Variants in FHIT observed in about 807,000 individuals in gnomAD.
FHIT encodes bis(5'-adenosyl)-triphosphatase.
In FHIT, 19 loss-of-function variants were observed where a neutral mutation model predicts 17.9. That is an observed-to-expected ratio of 1.06 (90% CI 0.74 to 1.56). The LOEUF is 1.56. FHIT is among the 40% of genes most tolerant of loss of function. The pLI, the probability that FHIT is intolerant of heterozygous loss-of-function variation, is 0.00. For missense variants in FHIT, 248 were observed against 189.2 expected (o/e 1.31, Z -1.82); for synonymous variants, 81 against 69.7 (o/e 1.16, Z -0.81).
At position 60,115,454 on chromosome 3, in the gene FHIT, C is replaced by T. The variant is rs181109909; in HGVS notation, c.104-101302G>A. ...TTAACTACGATTTTAAATAATAAAA[C>T]GGTAATTTTGTTGGAAAAATAGGCA... On this transcript the variant is annotated intron_variant, in intron 5 of 9. Transcript: ENST00000492590. Among the ~76,000 whole-genome samples the T allele has an allele frequency of 3.1e-4, 47 of 152,136 alleles. 1 individual carries two copies. Among genetic ancestry groups the T allele is most frequent in the Middle Eastern group, 3.4e-3 (1 of 294 alleles).
At chr3:59,771,708 T>C (rs1187266944) in intron 8 of FHIT, among the ~76,000 whole-genome samples, 1 of 152,220 alleles carries the variant, frequency 6.6e-6, no homozygotes, top group African/African-American at 2.4e-5. Flanking sequence ...GTAGTGTCTC[T>C]ATGTCTGTGG....
At chr3:59,932,051 T>C (rs1047178998) in intron 7 of FHIT, among the ~76,000 whole-genome samples, 1 of 152,232 alleles carries the variant, frequency 6.6e-6, no homozygotes, top group Non-Finnish European at 1.5e-5. Context: ...ATATGCCTTT[T>C]CCTTTTGGCT....
intron 8 of FHIT, among the ~76,000 whole-genome samples, chr3:59,912,704 G>A (rs1266934225): frequency 6.6e-6 from 1 of 152,146 alleles, no homozygotes; most frequent in African/African-American, 2.4e-5. Flanking sequence ...AATATATGTT[G>A]GAGCAAGGTT....
At chr3:60,641,281 G>C (rs1027372551) in intron 4 of FHIT, among the ~76,000 whole-genome samples, 20 of 152,168 alleles carry the variant, frequency 1.3e-4, no homozygotes, top group East Asian at 5.8e-4. Flanking sequence ...CTATTCTCTT[G>C]AGTTTTGCAT....
At chr3:60,214,184 G>A (rs1016245698) in intron 5 of FHIT, among the ~76,000 whole-genome samples, 1 of 151,940 alleles carries the variant, frequency 6.6e-6, no homozygotes, top group Non-Finnish European at 1.5e-5. Flanking sequence ...TTTTGAAAAA[G>A]CAATTGTACT....
chr3:60,847,837 G>T (rs1447915), intron 3 of FHIT, among the ~76,000 whole-genome samples: 1 of 151,816 alleles, frequency 6.6e-6, no homozygotes, highest in Non-Finnish European at 1.5e-5. Flanking sequence ...TTTGGTCCCC[G>T]TATGAACTCC....
intron 5 of FHIT, among the ~76,000 whole-genome samples, chr3:60,201,427 C>T (rs2107494071): frequency 6.6e-6 from 1 of 152,128 alleles, no homozygotes; most frequent in East Asian, 1.9e-4. Flanking sequence ...GTGATCCTCC[C>T]ACTTCAGCCT....
At chr3:60,109,709 G>A (rs529808907) in intron 5 of FHIT, among the ~76,000 whole-genome samples, 57 of 152,238 alleles carry the variant, frequency 3.7e-4, no homozygotes, top group African/African-American at 1.3e-3. Flanking sequence ...AAGAAAAGGT[G>A]AAAATGGAAC....
chr3:60,453,793 A>G (rs2031906555), intron 5 of FHIT, among the ~76,000 whole-genome samples: 2 of 152,170 alleles, frequency 1.3e-5, no homozygotes, highest in Admixed American at 6.5e-5. Context: ...TAATAATTGT[A>G]TTTTTATTAC....
At chr3:60,008,522 G>A (rs988063741) in intron 7 of FHIT, among the ~76,000 whole-genome samples, 11 of 152,080 alleles carry the variant, frequency 7.2e-5, no homozygotes, top group African/African-American at 2.7e-4. Flanking sequence ...CTAACTCAGT[G>A]GTGCACCTTC....
intron 4 of FHIT, among the ~76,000 whole-genome samples, chr3:60,556,122 C>A (rs992748316): frequency 2.6e-5 from 4 of 152,190 alleles, no homozygotes; most frequent in African/African-American, 9.6e-5. Flanking sequence ...CTTTTGATCT[C>A]CTCCTGACCT....
At chr3:61,082,137 T>C (rs2035159059) in intron 2 of FHIT, among the ~76,000 whole-genome samples, 1 of 151,136 alleles carries the variant, frequency 6.6e-6, no homozygotes, top group Non-Finnish European at 1.5e-5. Flanking sequence ...AGTGCATAAA[T>C]CAGAATGAAT....
chr3:61,133,628 G>A (rs926257679), intron 2 of FHIT, among the ~76,000 whole-genome samples: 6 of 152,252 alleles, frequency 3.9e-5, no homozygotes, highest in Middle Eastern at 6.8e-3. Flanking sequence ...GAGAGTCACT[G>A]CTTTACTCGG....
chr3:61,250,454 T>G (rs1171418139), intron 1 of FHIT, among the ~76,000 whole-genome samples: 1 of 152,084 alleles, frequency 6.6e-6, no homozygotes, highest in Admixed American at 6.5e-5. Context: ...GTGGTAAACT[T>G]TCACAAGCAT....
chr3:60,760,942 T>C (rs1213452830), intron 4 of FHIT, among the ~76,000 whole-genome samples: 3 of 152,168 alleles, frequency 2.0e-5, no homozygotes, highest in Non-Finnish European at 2.9e-5. Flanking sequence ...GGAAATGATC[T>C]TTATTTTAGA....
At chr3:60,632,092 T>TG in intron 4 of FHIT, among the ~76,000 whole-genome samples, 1 of 152,130 alleles carries the variant, frequency 6.6e-6, no homozygotes, top group Middle Eastern at 3.4e-3. Context: ...GTGTTTTTTT[T>TG]TTGTTTTTTG....
At position 61,117,152 on chromosome 3, in the gene FHIT, T is replaced by C. The variant is rs114935564; in HGVS notation, c.-163-75053A>G. ...ATTCTGTTGTATTATCTTAAAAGAT[T>C]AATACAAATAGAAAATGGAAGAGTA... On this transcript the variant is annotated intron_variant, in intron 2 of 9. Coordinates refer to ENST00000492590, the MANE Select transcript of FHIT (RefSeq NM_002012.4). Among the ~76,000 whole-genome samples the C allele has an allele frequency of 3.6e-3, 555 of 152,284 alleles. 2 individuals carry two copies. Among genetic ancestry groups the C allele is most frequent in the African/African-American group, 0.013 (531 of 41,568 alleles).
intron 5 of FHIT, among the ~76,000 whole-genome samples, chr3:60,355,299 T>C (rs148708327): frequency 6.6e-6 from 1 of 152,286 alleles, no homozygotes; most frequent in Non-Finnish European, 1.5e-5. Context: ...ACTCAGAAAA[T>C]TATTACTGCC....
chr3:60,596,613 AAAG>A (rs1472984878), intron 4 of FHIT, among the ~76,000 whole-genome samples: 13 of 152,232 alleles, frequency 8.5e-5, no homozygotes, highest in African/African-American at 3.1e-4. Context: ...GTCTCATAGT[AAAG>A]GAATCTGCAC....
Sources: gnomAD v4.1 joint callset for allele counts (sites outside exome capture counted in the v4.1 genomes callset) on GRCh38, gnomAD v4.1.1 for gene constraint, MANE v1.5 for transcripts, NCBI Gene and HGNC (gene_info 2026-07-23, HGNC 2026-07-21) for gene names.